EIF4G3: variants seen among roughly 807,000 people sequenced by gnomAD.
EIF4G3 encodes eIF-4-gamma 3.
EIF4G3 carries 34 observed loss-of-function variants against 186.4 expected under a neutral mutation model. The observed-to-expected ratio is 0.18, with a 90% CI of 0.14 to 0.24. EIF4G3 has a LOEUF of 0.24. Ranked by LOEUF, EIF4G3 falls within the 10% of genes least tolerant of loss-of-function variation. EIF4G3 has a pLI of 1.00. For missense variants in EIF4G3, 1,536 were observed against 1,948.5 expected, an observed-to-expected ratio of 0.79 and a Z score of 3.99; for synonymous variants, 673 against 679.5, an observed-to-expected ratio of 0.99 and a Z score of 0.15.
intron 2 of EIF4G3, 55 bp from the exon 3 acceptor site, chr1:21,089,268 A>C (rs1300071070): frequency 1.4e-6 from 1 of 707,070 alleles, no homozygotes; most frequent in Admixed American, 2.1e-5. Context: ...TAATAGTTAG[A>C]GAAAATTGCA....
intron 3 of EIF4G3, among the ~76,000 whole-genome samples, chr1:21,082,528 G>A (rs942617256): frequency 2.0e-5 from 3 of 152,134 alleles, no homozygotes; most frequent in Non-Finnish European, 2.9e-5. Flanking sequence ...GGAGGTTGCA[G>A]TGAGCCAAGA....
At chr1:20,958,466 C>T (rs1367436981) in intron 12 of EIF4G3, among the ~76,000 whole-genome samples, 1 of 152,106 alleles carries the variant, frequency 6.6e-6, no homozygotes, top group East Asian at 1.9e-4. Flanking sequence ...AAGTTGAAAG[C>T]ATTCTCCCTG....
At chr1:20,882,358 G>A (rs2082651927) in intron 19 of EIF4G3, among the ~76,000 whole-genome samples, 1 of 152,090 alleles carries the variant, frequency 6.6e-6, no homozygotes, top group African/African-American at 2.4e-5. Context: ...AGTGGCTCAC[G>A]CCTGTAATCC....
intron 11 of EIF4G3, among the ~76,000 whole-genome samples, chr1:20,972,798 T>C (rs1208012084): frequency 1.3e-5 from 2 of 151,838 alleles, no homozygotes; most frequent in East Asian, 1.9e-4. Flanking sequence ...TAATTAAAGA[T>C]GATATTATGC....
intron 10 of EIF4G3, among the ~76,000 whole-genome samples, chr1:20,974,616 T>G (rs1478794296): frequency 6.6e-6 from 1 of 152,254 alleles, no homozygotes; most frequent in Admixed American, 6.5e-5. Context: ...CTTAAAAATT[T>G]TGCCGTAAAA....
intron 14 of EIF4G3, among the ~76,000 whole-genome samples, chr1:20,906,337 G>A (rs1243601880): frequency 6.6e-6 from 1 of 152,084 alleles, no homozygotes. Context: ...TCTGTTTAAT[G>A]CATTTCCTCC....
intron 6 of EIF4G3, among the ~76,000 whole-genome samples, 193 bp downstream of exon 6, chr1:21,001,006 A>G (rs1048791783): frequency 6.6e-6 from 1 of 152,220 alleles, no homozygotes; most frequent in Non-Finnish European, 1.5e-5. Flanking sequence ...CTAATTCCCA[A>G]TAGAGAACAC....
chr1:21,139,029 C>T (rs1034256390), intron 2 of EIF4G3, among the ~76,000 whole-genome samples: 5 of 152,046 alleles, frequency 3.3e-5, no homozygotes, highest in African/African-American at 1.2e-4. Flanking sequence ...GGATTACAGG[C>T]ATGAGCTACC....
chr1:20,854,450 G>A (rs1377375705), intron 26 of EIF4G3, among the ~76,000 whole-genome samples: 6 of 151,252 alleles, frequency 4.0e-5, no homozygotes, highest in Middle Eastern at 3.4e-3. Context: ...ATCCCAGCAC[G>A]CAGGAGGCCA....
At chr1:21,055,387 A>G (rs1396343308) in intron 3 of EIF4G3, among the ~76,000 whole-genome samples, 1 of 152,104 alleles carries the variant, frequency 6.6e-6, no homozygotes, top group Non-Finnish European at 1.5e-5. Flanking sequence ...TAAATACCAA[A>G]TTTGCCCATG....
In EIF4G3 at chr1:20,924,459, C is replaced by A. The variant is rs576157664; in HGVS notation, c.1663+17032G>T. On this transcript the variant is annotated intron_variant, in intron 14 of 36. Coordinates refer to ENST00000602326, the MANE Select transcript of EIF4G3 (RefSeq NM_001391906.1). Reference sequence around the variant, plus strand: ...TAATAAGAAGTGAGGCACTGCAAATCTTGAGGAATATTAGAAATCATTCAA... The same window carrying A: ...TAATAAGAAGTGAGGCACTGCAAATATTGAGGAATATTAGAAATCATTCAA... 4.6e-5 allele frequency among the ~76,000 whole-genome samples: 7 copies of A among 152,316 alleles called. 1 individual carries two copies. In the South Asian group the frequency reaches 1.5e-3, roughly 32 times the overall value.
intron 3 of EIF4G3, among the ~76,000 whole-genome samples, chr1:21,051,500 A>C (rs1256330020): frequency 6.6e-6 from 1 of 152,140 alleles, no homozygotes; most frequent in Non-Finnish European, 1.5e-5. Flanking sequence ...ATCTCAATAA[A>C]TCTAAACTCC....
At chr1:21,065,157 T>C (rs2095170111) in intron 3 of EIF4G3, among the ~76,000 whole-genome samples, 1 of 152,194 alleles carries the variant, frequency 6.6e-6, no homozygotes, top group South Asian at 2.1e-4. Context: ...ATCTCAGATT[T>C]TAGTATTCAA....
intron 30 of EIF4G3, among the ~76,000 whole-genome samples, chr1:20,839,264 A>G (rs1053761603): frequency 2.6e-5 from 4 of 152,046 alleles, no homozygotes; most frequent in Admixed American, 1.3e-4. Context: ...GGTGTGAGCT[A>G]CGGTGCCCAG....
At chr1:20,811,231 G>C (rs1407910632) in intron 35 of EIF4G3, among the ~76,000 whole-genome samples, 1 of 152,160 alleles carries the variant, frequency 6.6e-6, no homozygotes, top group Non-Finnish European at 1.5e-5. Flanking sequence ...TGGGATTACA[G>C]GCATGAGCCA....
At chr1:21,034,359 A>T (rs1162657097) in intron 4 of EIF4G3, among the ~76,000 whole-genome samples, 1 of 152,220 alleles carries the variant, frequency 6.6e-6, no homozygotes, top group African/African-American at 2.4e-5. Flanking sequence ...TTTAAGTCAC[A>T]GTATGTGTTT....
intron 23 of EIF4G3, 44 bp from the exon 24 acceptor site, chr1:20,860,561 A>C: frequency 6.3e-7 from 1 of 1,580,480 alleles, no homozygotes; most frequent in Non-Finnish European, 8.6e-7. Flanking sequence ...TAAACTGAAC[A>C]TTTTTTAAAA....
At chr1:21,117,738 A>AAAAAAAAAAAAAAAAAAAAAAAAT (rs2096852071) in intron 2 of EIF4G3, among the ~76,000 whole-genome samples, 1 of 51,240 alleles carries the variant, frequency 2.0e-5, no homozygotes, top group Non-Finnish European at 5.3e-5. Context: ...GTATATAGTA[A>AAAAAAAAAAAAAAAAAAAAAAAAT]AAAAAAAAAA....
chr1:21,094,934 G>A (rs542291102), intron 2 of EIF4G3, among the ~76,000 whole-genome samples: 34 of 151,970 alleles, frequency 2.2e-4, no homozygotes, highest in Admixed American at 1.1e-3. Flanking sequence ...AGGATCCCTC[G>A]AGCCCAAATA....
Sources: gnomAD v4.1 joint callset for allele counts (sites outside exome capture counted in the v4.1 genomes callset) on GRCh38, gnomAD v4.1.1 for gene constraint, MANE v1.5 for transcripts, NCBI Gene and HGNC (gene_info 2026-07-23, HGNC 2026-07-21) for gene names.